The following SOX5 variants were observed in gnomAD, a reference collection of about 807,000 sequenced individuals.
SOX5 encodes SRY-box transcription factor 5.
A neutral mutation model predicts 92.0 loss-of-function variants in SOX5; 9 were observed. The observed-to-expected ratio is 0.10, with a 90% confidence interval of 0.06 to 0.17. The LOEUF is 0.17. SOX5 is among the 10% of genes least tolerant of loss of function. The pLI is 1.00. For synonymous variants in SOX5, 344 were observed against 336.3 expected (o/e 1.02, Z -0.25); for missense variants, 642 against 944.5 (o/e 0.68, Z 4.20).
intron 3 of SOX5, among the ~76,000 whole-genome samples, chr12:24,240,428 C>A (rs964391933): frequency 2.6e-5 from 4 of 152,124 alleles, no homozygotes; most frequent in Non-Finnish European, 5.9e-5. Context: ...CTTTTCCGTA[C>A]AAAGATGCAA....
At chr12:24,210,468 A>AAATAAT (rs1958484700) in intron 4 of SOX5, among the ~76,000 whole-genome samples, 1 of 152,220 alleles carries the variant, frequency 6.6e-6, no homozygotes, top group Non-Finnish European at 1.5e-5. Flanking sequence ...ATTATAATAA[A>AAATAAT]AGAGTTACAT....
At chr12:23,765,714 T>G (rs1051708261) in intron 3 of SOX5, among the ~76,000 whole-genome samples, 5 of 152,154 alleles carry the variant, frequency 3.3e-5, no homozygotes, top group Non-Finnish European at 5.9e-5. Context: ...ATTAGACTAC[T>G]TTCAAAAATT....
chr12:24,419,582 T>G (rs901974404), intron 1 of SOX5, among the ~76,000 whole-genome samples: 3 of 152,168 alleles, frequency 2.0e-5, no homozygotes, highest in African/African-American at 7.2e-5. Context: ...CATTTTGGGG[T>G]GCACTCTCTA....
chr12:24,471,135 GGCATTAAT>G (rs1426494024), intron 1 of SOX5, among the ~76,000 whole-genome samples: 1 of 152,014 alleles, frequency 6.6e-6, no homozygotes, highest in Non-Finnish European at 1.5e-5. Context: ...TGCTATTTTA[GGCATTAAT>G]TCATAAAGTT....
chr12:23,911,476 C>G (rs1441224831), intron 1 of SOX5, among the ~76,000 whole-genome samples: 1 of 151,988 alleles, frequency 6.6e-6, no homozygotes, highest in Non-Finnish European at 1.5e-5. Flanking sequence ...AACAGCAGAG[C>G]CTTAAATCTG....
intron 4 of SOX5, among the ~76,000 whole-genome samples, chr12:23,984,119 TTTAG>T (rs1240666685): frequency 2.6e-5 from 4 of 152,166 alleles, no homozygotes; most frequent in Non-Finnish European, 4.4e-5. Flanking sequence ...GGTTCATTTA[TTTAG>T]TAACTTTCTA....
intron 4 of SOX5, among the ~76,000 whole-genome samples, chr12:24,132,775 A>C (rs1417887797): frequency 6.6e-6 from 1 of 152,224 alleles, no homozygotes; most frequent in Non-Finnish European, 1.5e-5. Context: ...CTCATAAACT[A>C]AATTTTGAAT....
At chr12:24,091,870 A>G (rs1426606291) in intron 4 of SOX5, among the ~76,000 whole-genome samples, 1 of 152,038 alleles carries the variant, frequency 6.6e-6, no homozygotes, top group Non-Finnish European at 1.5e-5. Flanking sequence ...ACCTACTAAA[A>G]TTCTACTCTT....
chr12:23,809,551 A>G (rs2095840168), intron 3 of SOX5, among the ~76,000 whole-genome samples: 1 of 151,700 alleles, frequency 6.6e-6, no homozygotes, highest in Non-Finnish European at 1.5e-5. Flanking sequence ...ATCTGTTTAT[A>G]TTATTCTTAA....
intron 8 of SOX5, among the ~76,000 whole-genome samples, chr12:23,613,060 C>T (rs1350866207): frequency 6.6e-6 from 1 of 151,044 alleles, no homozygotes; most frequent in African/African-American, 2.5e-5. Flanking sequence ...CATGGACTTT[C>T]CCTAACACTG....
chr12:24,444,741 A>C (rs949190333), intron 1 of SOX5, among the ~76,000 whole-genome samples: 1 of 152,172 alleles, frequency 6.6e-6, no homozygotes, highest in Non-Finnish European at 1.5e-5. Context: ...GGAGGTATAT[A>C]GACAGCCCAC....
chr12:24,083,226 G>A (rs370199593), intron 4 of SOX5, among the ~76,000 whole-genome samples: 3 of 151,824 alleles, frequency 2.0e-5, no homozygotes, highest in East Asian at 3.9e-4. Context: ...GCCTTAGTAA[G>A]CAAATTAAAG....
intron 7 of SOX5, among the ~76,000 whole-genome samples, chr12:23,658,934 C>G (rs557599784): frequency 6.6e-6 from 1 of 152,094 alleles, no homozygotes; most frequent in Non-Finnish European, 1.5e-5. Context: ...AAAACAGAAG[C>G]CTAAAGACAT....
intron 4 of SOX5, among the ~76,000 whole-genome samples, chr12:24,105,171 C>T (rs375014502): frequency 1.3e-5 from 2 of 152,156 alleles, no homozygotes; most frequent in East Asian, 3.8e-4. Context: ...GCCCCTAAAG[C>T]ACATTTGTTT....
At chr12:23,613,656 C>T (rs2076225377) in intron 8 of SOX5, among the ~76,000 whole-genome samples, 1 of 152,164 alleles carries the variant, frequency 6.6e-6, no homozygotes, top group Non-Finnish European at 1.5e-5. Flanking sequence ...GTGCTATATA[C>T]ACACAATGAA....
chr12:23,960,323 G>A (rs1197405590), intron 4 of SOX5, among the ~76,000 whole-genome samples: 1 of 151,890 alleles, frequency 6.6e-6, no homozygotes, highest in Non-Finnish European at 1.5e-5. Flanking sequence ...TATATTACTA[G>A]TATAAATGTA....
upstream of SOX5, chr12:23,949,731 C>CCTCCCT (rs1945236194): frequency 1.3e-6 from 1 of 749,482 alleles, no homozygotes. Flanking sequence ...TCCCTCCCTC[C>CCTCCCT]CTCTCTCTCT....
intron 4 of SOX5, among the ~76,000 whole-genome samples, chr12:24,080,574 TTGTC>T (rs1400430108): frequency 2.6e-5 from 4 of 152,148 alleles, no homozygotes; most frequent in South Asian, 4.1e-4. Flanking sequence ...CTGGTTTCTA[TTGTC>T]TGTCTATTTA....
intron 4 of SOX5, among the ~76,000 whole-genome samples, chr12:24,060,902 T>C (rs1034560688): frequency 2.6e-5 from 4 of 152,192 alleles, no homozygotes; most frequent in African/African-American, 9.7e-5. Context: ...CCCTGTGATC[T>C]GGTCATGCTT....
Sources: gnomAD v4.1 joint callset for allele counts (sites outside exome capture counted in the v4.1 genomes callset) on GRCh38, gnomAD v4.1.1 for gene constraint, MANE v1.5 for transcripts, NCBI Gene and HGNC (gene_info 2026-07-23, HGNC 2026-07-21) for gene names.